Variants in RCOR1 observed in about 807,000 individuals in gnomAD.
RCOR1 encodes the protein REST corepressor 1.
Under a neutral mutation model 64.0 loss-of-function variants are expected in RCOR1, and 12 were observed. The ratio of observed to expected loss-of-function variants is 0.19; its 90% CI spans 0.12 to 0.30. The LOEUF (loss-of-function observed/expected upper bound fraction) is 0.30, where lower values mean the gene tolerates loss of function less well. Ranked by LOEUF, RCOR1 falls within the 10% of genes least tolerant of loss-of-function variation. RCOR1 has a pLI of 1.00. For missense variants in RCOR1, 502 were observed against 621.2 expected (o/e 0.81, Z 2.04); for synonymous variants, 279 against 227.2 (o/e 1.23, Z -2.05).
intron 8 of RCOR1, among the ~76,000 whole-genome samples, chr14:102,717,904 C>T (rs190725628): frequency 7.9e-5 from 12 of 152,054 alleles, no homozygotes; most frequent in Admixed American, 2.0e-4. Context: ...AGCCTTTTAG[C>T]GCCACAGTGC....
At position 102,592,910 on chromosome 14, in the gene RCOR1, C is replaced by G; in HGVS notation, c.24C>G (p.Gly8=). The G allele has an allele frequency of 8.0e-7, 1 of 1,243,414 alleles. No individual in the cohort carries two copies. Among genetic ancestry groups the G allele is most frequent in the Non-Finnish European group, 1.0e-6 (1 of 987,366 alleles). 77.0% of individuals were successfully genotyped at this position (1,243,414 alleles called of 1,614,324 possible). The change falls in exon 1 of 12, where the codon GGC becomes GGG. Residue 8 remains glycine, a synonymous_variant. Coordinates refer to ENST00000262241, the MANE Select transcript of RCOR1 (RefSeq NM_015156.4). The part of the protein sequence containing the change: MPAMVEK[G]PEVSGKRRGR... ...CGATGCCGGCCATGGTGGAGAAGGG[C>G]CCCGAGGTCTCAGGGAAGCGGAGAG...
At chr14:102,639,577 AGGCT>A (rs893351204) in intron 2 of RCOR1, among the ~76,000 whole-genome samples, 2 of 149,456 alleles carry the variant, frequency 1.3e-5, no homozygotes, top group Admixed American at 6.7e-5. Flanking sequence ...TCTGTTGTCC[AGGCT>A]GGAGTGCAAT....
chr14:102,683,255 G>C (rs1895342664), intron 3 of RCOR1, among the ~76,000 whole-genome samples: 1 of 152,170 alleles, frequency 6.6e-6, no homozygotes, highest in African/African-American at 2.4e-5. Context: ...GAGGCTCCCA[G>C]TGGACAGCGA....
At chr14:102,615,479 G>A (rs1437858948) in intron 2 of RCOR1, among the ~76,000 whole-genome samples, 2 of 136,822 alleles carry the variant, frequency 1.5e-5, no homozygotes, top group Admixed American at 7.8e-5. Flanking sequence ...ATGGAGTTTC[G>A]CTCTTGTCGC....
intron 2 of RCOR1, chr14:102,650,998 T>A: frequency 1.1e-6 from 1 of 896,272 alleles, no homozygotes; most frequent in Non-Finnish European, 1.3e-6. Flanking sequence ...TACAGGTATC[T>A]TAATGAGAAT....
intron 2 of RCOR1, chr14:102,662,634 C>T: frequency 2.2e-6 from 1 of 449,126 alleles, no homozygotes; most frequent in Non-Finnish European, 4.2e-6. Flanking sequence ...ACACTGCTTT[C>T]TTGGCCTTCA....
chr14:102,726,333 A>G, intron 11 of RCOR1, 135 bp from the exon 12 acceptor site: 1 of 696,686 alleles, frequency 1.4e-6, no homozygotes, highest in South Asian at 2.0e-5. Context: ...TCCCCTCCAA[A>G]AAAAAAAAAA....
intron 2 of RCOR1, among the ~76,000 whole-genome samples, chr14:102,641,230 TG>T (rs1381770991): frequency 6.6e-6 from 1 of 150,668 alleles, no homozygotes; most frequent in Non-Finnish European, 1.5e-5. Flanking sequence ...ACTCCAGCCT[TG>T]CGGCAGAGTG....
intron 11 of RCOR1, among the ~76,000 whole-genome samples, chr14:102,722,631 A>G (rs566713085): frequency 4.6e-5 from 7 of 152,326 alleles, no homozygotes; most frequent in African/African-American, 1.2e-4. Context: ...CAAATCCTGA[A>G]TTACATCCTG....
intron 6 of RCOR1, among the ~76,000 whole-genome samples, chr14:102,710,124 T>G (rs781506322): frequency 1.4e-4 from 22 of 152,356 alleles, no homozygotes; most frequent in Admixed American, 5.9e-4. Flanking sequence ...GTGGACACTC[T>G]TTCCTCAGCT....
intron 2 of RCOR1, among the ~76,000 whole-genome samples, chr14:102,602,943 C>T (rs1001754084): frequency 6.6e-6 from 1 of 152,092 alleles, no homozygotes; most frequent in Admixed American, 6.6e-5. Flanking sequence ...TGGGCTCAAC[C>T]AGTCCTTCTG....
rs765961783 is a variant in RCOR1, at chr14:102,592,895, C to A, written c.9C>A (p.Ala3=). The A allele has an allele frequency of 8.1e-7, 1 of 1,233,236 alleles. No individual in the cohort carries two copies. Among genetic ancestry groups the A allele is most frequent in the Non-Finnish European group, 1.0e-6 (1 of 983,866 alleles). 76.4% of individuals were successfully genotyped at this position (1,233,236 alleles called of 1,614,324 possible). The stretch of plus-strand genomic sequence containing the variant: ...GGCCCCGGCCCCCGCCGATGCCGGC[C>A]ATGGTGGAGAAGGGCCCCGAGGTCT... MP[A]MVEKGPEVSG... Residue 3 remains alanine (A), a synonymous_variant, in exon 1 of 12, where the codon GCC becomes GCA. Coordinates refer to ENST00000262241, the MANE Select transcript of RCOR1 (RefSeq NM_015156.4).
intron 2 of RCOR1, among the ~76,000 whole-genome samples, chr14:102,624,090 G>A (rs1595199396): frequency 6.6e-6 from 1 of 152,244 alleles, no homozygotes; most frequent in East Asian, 1.9e-4. Flanking sequence ...CAGCTACTTG[G>A]GAGGCTGAGG....
intron 2 of RCOR1, among the ~76,000 whole-genome samples, chr14:102,613,951 G>A (rs1893692491): frequency 7.0e-6 from 1 of 143,218 alleles, no homozygotes; most frequent in African/African-American, 2.7e-5. Context: ...GGAGTGCAGT[G>A]GTGCAATGAT....
At chr14:102,646,009 T>TA (rs1894471120) in intron 2 of RCOR1, among the ~76,000 whole-genome samples, 1 of 151,678 alleles carries the variant, frequency 6.6e-6, no homozygotes, top group Non-Finnish European at 1.5e-5. Flanking sequence ...TATGATGACT[T>TA]AGTCTTGGAA....
intron 3 of RCOR1, among the ~76,000 whole-genome samples, chr14:102,697,507 G>A (rs565178150): frequency 6.6e-6 from 1 of 152,230 alleles, no homozygotes; most frequent in African/African-American, 2.4e-5. Flanking sequence ...TTGGACATTG[G>A]GAACAATGAA....
At chr14:102,610,460 A>G (rs987504151) in intron 2 of RCOR1, among the ~76,000 whole-genome samples, 14 of 152,162 alleles carry the variant, frequency 9.2e-5, no homozygotes, top group African/African-American at 3.1e-4. Context: ...CATATTGGAC[A>G]GCTCAGAATA....
rs760411723 is a variant in RCOR1, at chr14:102,708,601, G to A, written c.779+18G>A. Reference sequence around the variant, plus strand: ...GAGGAGAGGTGAGCACATGGCTGGGGTGTTGTCTAACCACTTAGGGGACTA... The same window carrying A: ...GAGGAGAGGTGAGCACATGGCTGGGATGTTGTCTAACCACTTAGGGGACTA... On this transcript the variant is annotated intron_variant, in intron 6 of 11. Coordinates refer to ENST00000262241, the MANE Select transcript of RCOR1 (RefSeq NM_015156.4). 9.1e-6 allele frequency: 13 copies of A among 1,427,026 alleles called. No individual in the cohort carries two copies. The highest frequency in any genetic ancestry group is 1.2e-5 in the South Asian group (1 of 86,788). 88.4% of individuals were successfully genotyped at this position (1,427,026 alleles called of 1,614,324 possible).
chr14:102,667,709 T>C (rs1248143591), intron 2 of RCOR1, among the ~76,000 whole-genome samples: 1 of 151,972 alleles, frequency 6.6e-6, no homozygotes, highest in Non-Finnish European at 1.5e-5. Flanking sequence ...TCGAAGAGAT[T>C]AGTGGATGGG....
Sources: gnomAD v4.1 joint callset for allele counts (sites outside exome capture counted in the v4.1 genomes callset) on GRCh38, gnomAD v4.1.1 for gene constraint, MANE v1.5 for transcripts, NCBI Gene and HGNC (gene_info 2026-07-23, HGNC 2026-07-21) for gene names.